SGCG: variants seen among roughly 807,000 people sequenced by gnomAD.
The protein encoded by SGCG is sarcoglycan gamma.
A neutral mutation model predicts 29.3 loss-of-function variants in SGCG; 26 were observed. The observed-to-expected ratio is 0.89, with a 90% CI of 0.65 to 1.23. SGCG has a LOEUF of 1.23. Among genes scored for constraint, SGCG ranks in the 50% most tolerant of loss-of-function variants. SGCG has a pLI of 0.00. For synonymous variants in SGCG, 145 were observed against 129.7 expected, an observed-to-expected ratio of 1.12 and a Z score of -0.80; for missense variants, 353 against 356.0, an observed-to-expected ratio of 0.99 and a Z score of 0.07.
chr13:23,161,900 G>C, the SGCG span, among the ~76,000 whole-genome samples: 1 of 152,218 alleles, frequency 6.6e-6, no homozygotes, highest in Non-Finnish European at 1.5e-5. Context: ...AATAATTAAC[G>C]TGTATGATAC....
intron 2 of SGCG, among the ~76,000 whole-genome samples, chr13:23,214,480 G>A (rs1192387604): frequency 6.6e-6 from 1 of 152,168 alleles, no homozygotes; most frequent in African/African-American, 2.4e-5. Flanking sequence ...ATAAACAAAG[G>A]AAGACACATC....
intron 1 of SGCG, among the ~76,000 whole-genome samples, chr13:23,203,248 T>C (rs775100276): frequency 3.3e-5 from 5 of 152,196 alleles, no homozygotes; most frequent in East Asian, 3.8e-4. Flanking sequence ...CGTGAGCCAC[T>C]GCGCCTGGCT....
intron 4 of SGCG, among the ~76,000 whole-genome samples, chr13:23,273,857 G>A (rs1880961305): frequency 6.6e-6 from 1 of 152,132 alleles, no homozygotes; most frequent in South Asian, 2.1e-4. Flanking sequence ...TCCATTATCA[G>A]GACTTCACCG....
intron 1 of SGCG, among the ~76,000 whole-genome samples, chr13:23,201,545 G>A (rs12583348): frequency 0.045 from 6,886 of 152,104 alleles, 241 homozygotes; most frequent in East Asian, 0.22. Context: ...AGGAACGTGG[G>A]CAGCTTCTAG....
the SGCG span, among the ~76,000 whole-genome samples, chr13:23,168,824 A>G: frequency 1.3e-5 from 2 of 151,154 alleles, no homozygotes; most frequent in African/African-American, 4.9e-5. Context: ...CCATTGTGTT[A>G]TTATCATATT....
chr13:23,168,301 A>G, the SGCG span, among the ~76,000 whole-genome samples: 6 of 152,046 alleles, frequency 3.9e-5, no homozygotes, highest in South Asian at 1.0e-3. Flanking sequence ...TTGTCACTAT[A>G]GAAAATTGTC....
At chr13:23,179,860 G>A (rs755830783), upstream of SGCG, among the ~76,000 whole-genome samples, 3 of 152,168 alleles carry the variant, frequency 2.0e-5, no homozygotes, top group Non-Finnish European at 4.4e-5. Flanking sequence ...CATTGTTATT[G>A]CATTGCTCCT....
intron 4 of SGCG, among the ~76,000 whole-genome samples, chr13:23,271,084 CG>C (rs1474373633): frequency 6.6e-6 from 1 of 151,994 alleles, no homozygotes; most frequent in African/African-American, 2.4e-5. Flanking sequence ...TGGTGGCACG[CG>C]CCCGTAATCC....
intron 3 of SGCG, chr13:23,245,054 C>T (rs1400353027): frequency 6.6e-6 from 1 of 152,280 alleles, no homozygotes; most frequent in African/African-American, 2.4e-5. Flanking sequence ...CAAGGTTTTT[C>T]CTAAGGTTCA....
chr13:23,269,824 T>C (rs1880789544), intron 4 of SGCG, among the ~76,000 whole-genome samples: 1 of 151,244 alleles, frequency 6.6e-6, no homozygotes, highest in Admixed American at 6.6e-5. Flanking sequence ...GAGTAACAAT[T>C]GCATATGTAT....
rs747860532 is a variant in SGCG at position 23,203,713 on chromosome 13, A to G, written c.19A>G (p.Thr7Ala). 12 of 1,613,460 alleles carry G rather than the reference A, an allele frequency of 7.4e-6. No homozygotes were observed. Among genetic ancestry groups the G allele is most frequent in the Non-Finnish European group, 8.5e-6 (10 of 1,179,586 alleles). ...GTGGCAGATGGTGCGTGAGCAGTAC[A>G]CTACAGCCACAGAAGGCATCTGCAT... Reference protein sequence around the residue: MVREQYTTATEGICIER... With the variant: MVREQYATATEGICIER... Residue 7 changes from threonine (T) to alanine (A), a missense_variant, in exon 2 of 8, where the codon ACT becomes GCT. By Grantham distance (58) the Thr-to-Ala change is moderately conservative. Transcript: ENST00000218867.
the SGCG span, among the ~76,000 whole-genome samples, chr13:23,171,899 G>A: frequency 6.6e-6 from 1 of 152,204 alleles, no homozygotes; most frequent in Non-Finnish European, 1.5e-5. Context: ...TGGCCTGGGG[G>A]TTGGGAACCT....
intron 1 of SGCG, among the ~76,000 whole-genome samples, chr13:23,187,214 C>T (rs1242379881): frequency 6.6e-6 from 1 of 152,168 alleles, no homozygotes; most frequent in African/African-American, 2.4e-5. Flanking sequence ...CTGGGTGAGC[C>T]ACTCTCGCTA....
At chr13:23,211,513 A>AATCATT (rs1216276193) in intron 2 of SGCG, among the ~76,000 whole-genome samples, 4 of 152,142 alleles carry the variant, frequency 2.6e-5, no homozygotes, top group Non-Finnish European at 5.9e-5. Flanking sequence ...CCAAGTGATT[A>AATCATT]ATCATTATTC....
intron 6 of SGCG, among the ~76,000 whole-genome samples, chr13:23,302,449 C>A (rs61946747): frequency 0.086 from 13,133 of 151,884 alleles, 645 homozygotes; most frequent in South Asian, 0.13. Flanking sequence ...ATTAGCCAGC[C>A]CCTCCCTATC....
intron 2 of SGCG, among the ~76,000 whole-genome samples, chr13:23,222,117 T>C (rs1878694368): frequency 6.6e-6 from 1 of 152,192 alleles, no homozygotes; most frequent in Non-Finnish European, 1.5e-5. Flanking sequence ...TGTATCAGAT[T>C]TTTGGATACT....
chr13:23,223,340 C>T (rs1290013631), intron 2 of SGCG, among the ~76,000 whole-genome samples: 3 of 150,822 alleles, frequency 2.0e-5, no homozygotes, highest in Non-Finnish European at 4.4e-5. Context: ...CTACATTCTC[C>T]ACCTATAGAT....
rs1880831815 is a variant in SGCG at position 23,270,491 on chromosome 13, CTCA to C, written c.386-8866_386-8864del. ...TTTTTGTATCTTTGTTGTGAATTAT[CTCA>C]TGACTCTTTTTCCATTTTTCTATCA... On this transcript the variant is annotated intron_variant, in intron 4 of 7. Coordinates refer to ENST00000218867, the MANE Select transcript of SGCG (RefSeq NM_000231.3). Among the ~76,000 whole-genome samples the C allele has an allele frequency of 2.6e-5, 4 of 152,156 alleles. No individual in the cohort carries two copies. In the South Asian group the frequency reaches 8.3e-4, roughly 32 times the overall value.
chr13:23,268,836 T>G (rs967231604), intron 4 of SGCG: 6 of 147,728 alleles, frequency 4.1e-5, no homozygotes, highest in Non-Finnish European at 6.0e-5. Context: ...TGAAAGATAC[T>G]GAAATAAACA....
Sources: gnomAD v4.1 joint callset for allele counts (sites outside exome capture counted in the v4.1 genomes callset) on GRCh38, gnomAD v4.1.1 for gene constraint, MANE v1.5 for transcripts, NCBI Gene and HGNC (gene_info 2026-07-23, HGNC 2026-07-21) for gene names.